MARS1: variants seen among roughly 807,000 people sequenced by gnomAD.
The protein encoded by MARS1 is methionyl-tRNA synthetase 1, also known as methionine--tRNA ligase, cytoplasmic.
MARS1 carries 80 observed loss-of-function variants against 119.5 expected under a neutral mutation model. That is an observed-to-expected ratio of 0.67 (90% CI 0.56 to 0.81). The LOEUF is 0.81. Ranked by LOEUF, MARS1 falls within the 30% of genes least tolerant of loss-of-function variation. MARS1 has a pLI of 0.00. For missense variants in MARS1, 945 were observed against 1,116.5 expected, an observed-to-expected ratio of 0.85 and a Z score of 2.19; for synonymous variants, 418 against 433.4, an observed-to-expected ratio of 0.96 and a Z score of 0.44.
In MARS1 at chr12:57,515,347, G is replaced by A. The variant is rs1594836610; in HGVS notation, c.2391+11G>A. ...CACCAGATTGGCACAGTAGGTGGAA[G>A]AGCCAGCCTCTCTTAAAATTGATAC... On this transcript the variant is annotated intron_variant, in intron 18 of 20. Transcript: ENST00000262027. The A allele has an allele frequency of 3.1e-6, 5 of 1,610,242 alleles. No homozygotes were observed. Among genetic ancestry groups the A allele is most frequent in the Non-Finnish European group, 4.2e-6 (5 of 1,179,346 alleles).
chr12:57,512,464 A>T, intron 14 of MARS1, 111 bp downstream of exon 14: 2 of 779,670 alleles, frequency 2.6e-6, no homozygotes, highest in Non-Finnish European at 4.3e-6. Context: ...GTTGAGCTGA[A>T]ATAGGAAATA....
At chr12:57,493,864 T>A (rs1240830428) in intron 7 of MARS1, among the ~76,000 whole-genome samples, 2 of 4,508 alleles carry the variant, frequency 4.4e-4, no homozygotes, top group African/African-American at 4.6e-4. Context: ...ATATTTATAT[T>A]ATATAATATA....
At chr12:57,493,389 TTATA>T (rs1374039676) in intron 7 of MARS1, among the ~76,000 whole-genome samples, 1 of 20,754 alleles carries the variant, frequency 4.8e-5, no homozygotes, top group East Asian at 2.4e-3. Flanking sequence ...ATATAATATA[TTATA>T]TATAATATAT....
chr12:57,504,487 G>A (rs1877084970), intron 11 of MARS1, among the ~76,000 whole-genome samples, 188 bp downstream of exon 11: 1 of 152,068 alleles, frequency 6.6e-6, no homozygotes, highest in South Asian at 2.1e-4. Flanking sequence ...ACTTGCGAGA[G>A]GTATTTACTA....
chr12:57,514,707 A>C lies in MARS1; in HGVS notation c.1968-13A>C. The C allele has an allele frequency of 6.2e-7, 1 of 1,613,838 alleles. No homozygotes were observed. The highest frequency in any genetic ancestry group is 1.3e-5 in the African/African-American group (1 of 74,988). On this transcript the variant is annotated splice_polypyrimidine_tract_variant and intron_variant, in intron 15 of 20. Transcript: ENST00000262027. ...CTCTTTTTTCCACTTCTGCTTTCCT[A>C]CTCCCAACCAAGAGCTGGGATGTTT...
At chr12:57,506,231 C>CACTGCA (rs936735273) in intron 11 of MARS1, among the ~76,000 whole-genome samples, 3 of 152,016 alleles carry the variant, frequency 2.0e-5, no homozygotes, top group African/African-American at 4.8e-5. Context: ...TGCACTGCAG[C>CACTGCA]TTGGGTGACA....
At chr12:57,497,978 T>G (rs1460402506) in intron 7 of MARS1, among the ~76,000 whole-genome samples, 179 bp from the exon 8 acceptor site, 1 of 152,162 alleles carries the variant, frequency 6.6e-6, no homozygotes, top group South Asian at 2.1e-4. Context: ...TTTGCATCTC[T>G]GGGGATCTTA....
In MARS1 at chr12:57,512,757, T is replaced by C; in HGVS notation, c.1760T>C (p.Leu587Pro). 1 of 1,613,850 alleles carries C rather than the reference T, an allele frequency of 6.2e-7. No individual in the cohort carries two copies. Reference protein sequence around the residue: ...LVSHLIATEYLNYEDGKFSKS... With the variant: ...LVSHLIATEYPNYEDGKFSKS... ...CTCATTCTCCTCTGTCCAGAGTACC[T>C]GAACTATGAGGATGGGAAATTCTCT... The change falls in exon 15 of 21, where the codon CTG (leucine) becomes CCG (proline). Residue 587 changes from leucine (L) to proline (P), a missense_variant. Transcript: ENST00000262027.
At chr12:57,513,732 A>G (rs569844469) in intron 15 of MARS1, among the ~76,000 whole-genome samples, 2 of 151,966 alleles carry the variant, frequency 1.3e-5, no homozygotes, top group African/African-American at 2.4e-5. Context: ...CTAAAGCAGT[A>G]TTCTCCAGAA....
chr12:57,504,444 G>C (rs1285144766), intron 11 of MARS1, 145 bp downstream of exon 11: 1 of 680,462 alleles, frequency 1.5e-6, no homozygotes, highest in Non-Finnish European at 2.5e-6. Flanking sequence ...AGATGAAATA[G>C]ATTAAAGGGC....
At chr12:57,491,557 C>T (rs1203604871) in intron 7 of MARS1, among the ~76,000 whole-genome samples, 4 of 152,158 alleles carry the variant, frequency 2.6e-5, no homozygotes, top group Non-Finnish European at 4.4e-5. Context: ...TACACAGATA[C>T]TAACAGACCT....
At chr12:57,493,783 T>TATATATCATA (rs1876349741) in intron 7 of MARS1, among the ~76,000 whole-genome samples, 1 of 1,930 alleles carries the variant, frequency 5.2e-4, no homozygotes, top group African/African-American at 1.8e-3. Flanking sequence ...TAATATATAT[T>TATATATCATA]ATATATTATA....
At position 57,493,482 on chromosome 12, in the gene MARS1, A is replaced by G. The variant is rs767580103; in HGVS notation, c.770+2838A>G. 9.5e-4 allele frequency among the ~76,000 whole-genome samples: 3 copies of G among 3,164 alleles called. 1 individual carries two copies. Among genetic ancestry groups the G allele is most frequent in the Non-Finnish European group, 1.8e-3 (3 of 1,622 alleles). 2.1% of individuals were successfully genotyped at this position (3,164 alleles called of 152,430 possible). On this transcript the variant is annotated intron_variant, in intron 7 of 20. Coordinates refer to ENST00000262027, the MANE Select transcript of MARS1 (RefSeq NM_004990.4). The stretch of plus-strand genomic sequence containing the variant: ...TTATAATATATAATATATAATATAT[A>G]ATATATAATATATTATAATATATAA...
In MARS1 at chr12:57,490,621, G is replaced by C. The variant is rs200490364; in HGVS notation, c.747G>C (p.Pro249=). The C allele has an allele frequency of 1.2e-6, 2 of 1,613,920 alleles. No individual in the cohort carries two copies. The highest frequency in any genetic ancestry group is 8.5e-7 in the Non-Finnish European group (1 of 1,180,006). Residue 249 remains proline (P), a synonymous_variant, in exon 7 of 21, where the codon CCG becomes CCC. Transcript: ENST00000262027. ...AWEKGLESLP[P]LRPQQNPVLP... is the part of the protein sequence containing the mutation. ...AGAAGGGCCTAGAAAGTTTGCCCCC[G>C]CTGCGGCCCCAGCAGAATCCAGTGT...
At chr12:57,491,444 C>G (rs926800959) in intron 7 of MARS1, among the ~76,000 whole-genome samples, 1 of 152,182 alleles carries the variant, frequency 6.6e-6, no homozygotes, top group Non-Finnish European at 1.5e-5. Context: ...TAGACTTCTT[C>G]GTTTCTCCCT....
At chr12:57,499,008 G>A (rs966723591) in intron 9 of MARS1, among the ~76,000 whole-genome samples, 1 of 152,066 alleles carries the variant, frequency 6.6e-6, no homozygotes, top group African/African-American at 2.4e-5. Context: ...GCATAGCCGG[G>A]TGCAGTGGCT....
chr12:57,497,991 G>T (rs1300184373), intron 7 of MARS1, among the ~76,000 whole-genome samples, 166 bp from the exon 8 acceptor site: 5 of 152,116 alleles, frequency 3.3e-5, no homozygotes, highest in African/African-American at 9.7e-5. Context: ...GGATCTTAGA[G>T]TGCCTCGGGA....
rs138956837 is a variant in MARS1, at chr12:57,505,202, C to T, written c.1368+903C>T. Reference sequence around the variant, plus strand: ...TTGAGATGGAGCTTCTCTCTTGTTGCCCACACTGGAGTGCAATGGCACGGT... The same window carrying T: ...TTGAGATGGAGCTTCTCTCTTGTTGTCCACACTGGAGTGCAATGGCACGGT... On this transcript the variant is annotated intron_variant, in intron 11 of 20. Coordinates refer to ENST00000262027, the MANE Select transcript of MARS1 (RefSeq NM_004990.4). Among the ~76,000 whole-genome samples, 1,285 of 150,128 alleles carry T rather than the reference C, an allele frequency of 8.6e-3. 16 individuals are homozygous for T. Among genetic ancestry groups the T allele is most frequent in the African/African-American group, 0.029 (1,179 of 40,668 alleles).
intron 9 of MARS1, among the ~76,000 whole-genome samples, chr12:57,499,377 C>T (rs1436790400): frequency 2.1e-5 from 3 of 144,758 alleles, no homozygotes; most frequent in South Asian, 2.2e-4. Context: ...GGGCGGATCA[C>T]GAGGTCAGGA....
Sources: gnomAD v4.1 joint callset for allele counts (sites outside exome capture counted in the v4.1 genomes callset) on GRCh38, gnomAD v4.1.1 for gene constraint, MANE v1.5 for transcripts, NCBI Gene and HGNC (gene_info 2026-07-23, HGNC 2026-07-21) for gene names.